Variants in NF1 observed in about 807,000 individuals in gnomAD.
The protein encoded by NF1 is neurofibromin.
In NF1, 122 loss-of-function variants were observed where a neutral mutation model predicts 325.7. The ratio of observed to expected loss-of-function variants is 0.37; its 90% CI spans 0.32 to 0.44. The LOEUF (loss-of-function observed/expected upper bound fraction) is 0.44, where lower values mean the gene tolerates loss of function less well. NF1 is among the 20% of genes least tolerant of loss of function. The probability of loss-of-function intolerance (pLI) is 1.00; values close to 1 mark genes in which losing one functional copy is unlikely to be tolerated. For synonymous variants in NF1, 1,091 were observed against 1,186.0 expected, an observed-to-expected ratio of 0.92 and a Z score of 1.65; for missense variants, 2,140 against 3,415.4, an observed-to-expected ratio of 0.63 and a Z score of 9.31.
In NF1 at chr17:31,320,423, AAGCAACATGG is replaced by A. The variant is rs748205868; in HGVS notation, c.4836-5395_4836-5386del. 32 of 1,611,120 alleles carry A rather than the reference AAGCAACATGG, an allele frequency of 2.0e-5. No homozygotes were observed. In the Admixed American group the frequency reaches 4.0e-4, roughly 20 times the overall value. On this transcript the variant is annotated intron_variant, in intron 36 of 57. Transcript: ENST00000358273. ...AGTCTTTGTTTCCAAACCAACTCCTAAGCAACATGGATGCCACTGCTAGTCAGGCTTTTGA... is the reference window on the plus strand; with the variant it reads ...AGTCTTTGTTTCCAAACCAACTCCTAATGCCACTGCTAGTCAGGCTTTTGA...
chr17:31,158,876 T>A (rs1208260934), intron 2 of NF1, 134 bp from the exon 3 acceptor site: 4 of 592,536 alleles, frequency 6.8e-6, no homozygotes, highest in Non-Finnish European at 1.2e-5. Flanking sequence ...AAATAATATA[T>A]TTAAGTATAG....
intron 1 of NF1, among the ~76,000 whole-genome samples, chr17:31,097,119 C>T (rs1224138640): frequency 6.6e-6 from 1 of 151,950 alleles, no homozygotes; most frequent in Non-Finnish European, 1.5e-5. Context: ...CTTACCTGTT[C>T]ATCTCTAGGC....
At position 31,268,143 on chromosome 17, in the gene NF1, C is replaced by T. The variant is rs2067824046; in HGVS notation, c.4835+2804C>T. Among the ~76,000 whole-genome samples, 3 of 152,304 alleles carry T rather than the reference C, an allele frequency of 2.0e-5. No homozygotes were observed. The South Asian group carries it at 6.2e-4, about 32-fold the overall frequency. ...TTTTCATCTTTCTGTATCCTTTCAG[C>T]TTTTGCCCCAGATAGTAACCCGTTC... On this transcript the variant is annotated intron_variant, in intron 36 of 57. Transcript: ENST00000358273.
At chr17:31,197,779 C>A (rs188624739) in intron 8 of NF1, among the ~76,000 whole-genome samples, 2 of 152,254 alleles carry the variant, frequency 1.3e-5, no homozygotes, top group African/African-American at 4.8e-5. Context: ...TGTCCAAATT[C>A]AATGAATTTT....
rs1597870180 is a variant in NF1 at position 31,360,553 on chromosome 17, C to T, written c.8227C>T (p.Leu2743=). Residue 2743 remains leucine (L), a synonymous_variant, in exon 57 of 58, where the codon CTG becomes TTG. Transcript: ENST00000358273. ...TCTTGATGCCTTGATTGACACGTACCTGCCTGGAATTGATGAAGAAACCAG... is the reference window on the plus strand; with the variant it reads ...TCTTGATGCCTTGATTGACACGTACTTGCCTGGAATTGATGAAGAAACCAG... ...KFLDALIDTY[L]PGIDEETSEE... is the part of the protein sequence containing the mutation. The T allele has an allele frequency of 6.2e-7, 1 of 1,614,076 alleles. No individual in the cohort carries two copies. Among genetic ancestry groups the T allele is most frequent in the East Asian group, 2.2e-5 (1 of 44,870 alleles).
intron 51 of NF1, among the ~76,000 whole-genome samples, chr17:31,353,601 G>A (rs564684372): frequency 6.6e-6 from 1 of 152,314 alleles, no homozygotes; most frequent in South Asian, 2.1e-4. Flanking sequence ...CTGGGTGACA[G>A]AGTGGGACCC....
intron 1 of NF1, among the ~76,000 whole-genome samples, chr17:31,116,328 A>G (rs17882957): frequency 0.059 from 8,974 of 152,242 alleles, 854 homozygotes; most frequent in African/African-American, 0.2. Flanking sequence ...TAAATTAAAG[A>G]ACTTACCCTT....
intron 36 of NF1, among the ~76,000 whole-genome samples, chr17:31,293,208 A>AAAAAAAAAAAAAAAAAC (rs2068385302): frequency 7.2e-6 from 1 of 138,534 alleles, no homozygotes; most frequent in Non-Finnish European, 1.5e-5. Context: ...AAAAAAAAAA[A>AAAAAAAAAAAAAAAAAC]AAAGAAACCT....
chr17:31,162,591 A>G (rs1391147997), intron 3 of NF1, among the ~76,000 whole-genome samples: 1 of 152,162 alleles, frequency 6.6e-6, no homozygotes, highest in Non-Finnish European at 1.5e-5. Flanking sequence ...GGAATTGTTT[A>G]TTTTTCCTTG....
At chr17:31,169,131 T>C (rs544176218) in intron 4 of NF1, among the ~76,000 whole-genome samples, 1 of 152,314 alleles carries the variant, frequency 6.6e-6, no homozygotes, top group South Asian at 2.1e-4. Context: ...CATAATTCTT[T>C]TGATCCTCAG....
At chr17:31,341,593 A>AAG (rs1567619634) in intron 47 of NF1, among the ~76,000 whole-genome samples, 4 of 42,426 alleles carry the variant, frequency 9.4e-5, no homozygotes, top group South Asian at 1.4e-3. Context: ...TATATATATA[A>AAG]AGTGTGTGTG....
At chr17:31,128,589 T>G (rs1915083841) in intron 1 of NF1, 1 of 152,140 alleles carries the variant, frequency 6.6e-6, no homozygotes, top group African/African-American at 2.4e-5. Flanking sequence ...GTAGCTTAGT[T>G]TGGCCCAATA....
intron 8 of NF1, among the ~76,000 whole-genome samples, chr17:31,200,099 G>A (rs11650214): frequency 0.083 from 12,345 of 149,578 alleles, 681 homozygotes; most frequent in Non-Finnish European, 0.12. Flanking sequence ...TCGTGCCTTT[G>A]TACTCCAGCC....
rs192872920 is a variant in NF1, at chr17:31,185,103, A to G, written c.888+2438A>G. On this transcript the variant is annotated intron_variant, in intron 8 of 57. Transcript: ENST00000358273. ...TTTCCACTTTTGTCTGAAGAGATAA[A>G]CCCTGCGCTGCCTGAGGCAACAGGA... Among the ~76,000 whole-genome samples the G allele has an allele frequency of 6.7e-3, 1,012 of 152,088 alleles. 8 individuals are homozygous for G. The highest frequency in any genetic ancestry group is 0.011 in the Non-Finnish European group (746 of 68,008).
At position 31,117,672 on chromosome 17, in the gene NF1, CAAAAAAAAAAAAAAA is replaced by C. The variant is rs780828438; in HGVS notation, c.60+22320_60+22334del. On this transcript the variant is annotated intron_variant, in intron 1 of 57. Transcript: ENST00000358273. ...TGGGTGACAGAGCAAAACTCCATCTCAAAAAAAAAAAAAAAAAAAAAAAAAAAAAAAGGAATAGTG... is the reference window on the plus strand; with the variant it reads ...TGGGTGACAGAGCAAAACTCCATCTCAAAAAAAAAAAAAAAAGGAATAGTG... 5.6e-4 allele frequency among the ~76,000 whole-genome samples: 11 copies of C among 19,816 alleles called. No individual in the cohort carries two copies. The South Asian group carries it at 0.026, about 47-fold the overall frequency. 13.0% of individuals were successfully genotyped at this position (19,816 alleles called of 152,430 possible).
In NF1 at chr17:31,375,583, T is replaced by A; in HGVS notation, c.*1428T>A. The stretch of plus-strand genomic sequence containing the variant: ...TTTATTACAAAAAGATATTAATCCC[T>A]CTACTCCCAGGTTCCCTTTATATGT... On this transcript the variant is annotated 3_prime_UTR_variant, in exon 58 of 58. Transcript: ENST00000358273. 1 of 232,632 alleles carries A rather than the reference T, an allele frequency of 4.3e-6. No homozygotes were observed. The highest frequency in any genetic ancestry group is 8.5e-6 in the Non-Finnish European group (1 of 117,434). The allele number at this position is 232,632 out of a possible 1,614,324, so 14.4% of individuals were successfully genotyped here. A position where few individuals can be genotyped will look rare whatever the true frequency, so the allele number is the denominator to read the frequency against.
intron 21 of NF1, 80 bp from the exon 22 acceptor site, chr17:31,229,755 A>G (rs1189741189): frequency 6.5e-7 from 1 of 1,550,368 alleles, no homozygotes; most frequent in Admixed American, 1.7e-5. Flanking sequence ...GTGTGTTTAG[A>G]TCAGTCAGTT....
intron 45 of NF1, 22 bp from the exon 46 acceptor site, chr17:31,338,682 A>C (rs1251063762): frequency 6.6e-7 from 1 of 1,512,906 alleles, no homozygotes; most frequent in East Asian, 2.3e-5. Context: ...AAGTAAAATA[A>C]AAAATTCTGT....
rs149336022 is a variant in NF1 at position 31,127,652 on chromosome 17, A to T, written c.61-28331A>T. Among the ~76,000 whole-genome samples the T allele has an allele frequency of 8.0e-5, 12 of 150,726 alleles. No homozygotes were observed. The East Asian group carries it at 2.3e-3, about 29-fold the overall frequency. On this transcript the variant is annotated intron_variant, in intron 1 of 57. Transcript: ENST00000358273. ...TTGCTATGTTGCCCAGGCTGGTCTT[A>T]AACTCTTGGCCTCAGGTGATCCTCT...
Sources: gnomAD v4.1 joint callset for allele counts (sites outside exome capture counted in the v4.1 genomes callset) on GRCh38, gnomAD v4.1.1 for gene constraint, MANE v1.5 for transcripts, NCBI Gene and HGNC (gene_info 2026-07-23, HGNC 2026-07-21) for gene names.